Variants in PHETA1 observed in about 807,000 individuals in gnomAD.
The protein encoded by PHETA1 is sesquipedalian-1.
For synonymous variants in PHETA1, 155 were observed against 168.9 expected (o/e 0.92, Z 0.64); for missense variants, 348 against 373.5 (o/e 0.93, Z 0.56).
At chr12:111,365,805 G>A (rs910373730) in intron 2 of PHETA1, among the ~76,000 whole-genome samples, 1 of 152,092 alleles carries the variant, frequency 6.6e-6, no homozygotes, top group Non-Finnish European at 1.5e-5. Context: ...ACGGGTCAAT[G>A]GTGCAGCAAG....
In PHETA1 at chr12:111,362,771, C is replaced by G. The variant is rs1334526218; in HGVS notation, c.657G>C (p.Leu219=). ...GCAGCCGGGCGAAGGGGGCCATGTC[C>G]AGGGGCCCGTGGGGTGCCGAGGCCC... is the stretch of plus-strand genomic sequence containing the variant. ...RRRASAPHGP[L]DMAPFARLHE... The change falls in exon 3 of 3, where the codon CTG becomes CTC. Residue 219 remains leucine, a synonymous_variant. Coordinates refer to ENST00000683047, the MANE Select transcript of PHETA1 (RefSeq NM_144671.6). The G allele has an allele frequency of 6.5e-7, 1 of 1,540,394 alleles. No homozygotes were observed. The highest frequency in any genetic ancestry group is 8.7e-7 in the Non-Finnish European group (1 of 1,145,226).
chr12:111,363,076 G>C lies in PHETA1; in HGVS notation c.352C>G (p.Leu118Val). 3.8e-6 allele frequency: 6 copies of C among 1,584,182 alleles called. No individual in the cohort carries two copies. The highest frequency in any genetic ancestry group is 5.1e-6 in the Non-Finnish European group (6 of 1,168,622). ...LSRASFDYLR[L>V]VVRELEQQLA... ...TGCTGCTCCAGCTCGCGCACCACCA[G>C]CCGCAGGTAGTCGAAGCTGGCACGC... is the stretch of plus-strand genomic sequence containing the variant. The change falls in exon 3 of 3, where the codon CTG becomes GTG. Residue 118 changes from leucine (L) to valine (V), a missense_variant. By Grantham distance (32) the Leu-to-Val change is conservative. Coordinates refer to ENST00000683047, the MANE Select transcript of PHETA1 (RefSeq NM_144671.6). This position sits in a 1 kb window ranked among gnomAD's most constrained non-coding sequence, Gnocchi z 7.4.
intron 2 of PHETA1, among the ~76,000 whole-genome samples, chr12:111,365,901 G>A (rs1868997746): frequency 6.6e-6 from 1 of 152,152 alleles, no homozygotes; most frequent in South Asian, 2.1e-4. Flanking sequence ...AGAAACTGAG[G>A]TCAGTTTGTC....
chr12:111,363,176 C>T lies in PHETA1; in HGVS notation c.252G>A (p.Ala84=), dbSNP rs542992401. ...AEEFAFAVRF[A]GTRARTYVLA... ...GCACGTAGGTGCGCGCCCGGGTCCCCGCAAAGCGCACAGCGAAGGCGAACT... is the reference window on the plus strand; with the variant it reads ...GCACGTAGGTGCGCGCCCGGGTCCCTGCAAAGCGCACAGCGAAGGCGAACT... The change falls in exon 3 of 3, where the codon GCG becomes GCA. Residue 84 remains alanine (A), a synonymous_variant. Coordinates refer to ENST00000683047, the MANE Select transcript of PHETA1 (RefSeq NM_144671.6). This position sits in a 1 kb window ranked among gnomAD's most constrained non-coding sequence, Gnocchi z 7.4. 7.4e-6 allele frequency: 12 copies of T among 1,612,446 alleles called. No homozygotes were observed. The highest frequency in any genetic ancestry group is 6.7e-5 in the African/African-American group (5 of 75,048).
At chr12:111,366,504 G>C (rs1340298981) in intron 1 of PHETA1, among the ~76,000 whole-genome samples, 2 of 152,024 alleles carry the variant, frequency 1.3e-5, no homozygotes, top group African/African-American at 4.8e-5. Context: ...CCCCTCTCCA[G>C]CGTCTTCCAA....
chr12:111,365,395 C>T (rs1565948904), intron 2 of PHETA1, among the ~76,000 whole-genome samples: 1 of 152,172 alleles, frequency 6.6e-6, no homozygotes, highest in Non-Finnish European at 1.5e-5. Flanking sequence ...GCCAGACTAC[C>T]TGTCCTAGGG....
In PHETA1 at chr12:111,362,987, G is replaced by A. The variant is rs760895010; in HGVS notation, c.441C>T (p.Pro147=). Residue 147 remains proline (P), a synonymous_variant, in exon 3 of 3, where the codon CCC becomes CCT. Transcript: ENST00000683047. ...ALPQPQPQSL[P]LPPSLPSALA... ...GGGCAGAGGGCAGGGACGGGGGCAAGGGCAGGGACTGGGGCTGGGGCTGGG... is the reference window on the plus strand; with the variant it reads ...GGGCAGAGGGCAGGGACGGGGGCAAAGGCAGGGACTGGGGCTGGGGCTGGG... 2 of 1,487,542 alleles carry A rather than the reference G, an allele frequency of 1.3e-6. No homozygotes were observed. Among genetic ancestry groups the A allele is most frequent in the Non-Finnish European group, 1.8e-6 (2 of 1,122,792 alleles). The allele number at this position is 1,487,542 out of a possible 1,614,324, so 92.1% of individuals were successfully genotyped here. A position where few individuals can be genotyped will look rare whatever the true frequency, so the allele number is the denominator to read the frequency against.
chr12:111,362,667 C>A lies in PHETA1; in HGVS notation c.*11G>T, dbSNP rs1868698160. ...AGCTTGTGTCCCCCTAAAACAGGCG[C>A]CCTGGTGGCCTCAGGGCTGGACCCG... is the stretch of plus-strand genomic sequence containing the variant. On this transcript the variant is annotated 3_prime_UTR_variant, in exon 3 of 3. Coordinates refer to ENST00000683047, the MANE Select transcript of PHETA1 (RefSeq NM_144671.6). The A allele has an allele frequency of 6.5e-7, 1 of 1,549,212 alleles. No individual in the cohort carries two copies. The highest frequency in any genetic ancestry group is 8.7e-7 in the Non-Finnish European group (1 of 1,146,872).
chr12:111,363,538 A>G lies in PHETA1; in HGVS notation c.-36-75T>C. ...ACCCAGTGCCCCAAGGGGACCTTGC[A>G]GCCACTCTACATCCCCGTTTCACAG... is the stretch of plus-strand genomic sequence containing the variant. On this transcript the variant is annotated intron_variant, in intron 2 of 2. Transcript: ENST00000683047. The surrounding 1 kb of genome is among the most constrained non-coding windows in gnomAD (Gnocchi z 7.4). The G allele has an allele frequency of 2.0e-6, 3 of 1,532,428 alleles. No homozygotes were observed. Among genetic ancestry groups the G allele is most frequent in the Non-Finnish European group, 2.6e-6 (3 of 1,142,854 alleles). The allele number at this position is 1,532,428 out of a possible 1,614,324, so 94.9% of individuals were successfully genotyped here. A position where few individuals can be genotyped will look rare whatever the true frequency, so the allele number is the denominator to read the frequency against.
At position 111,361,214 on chromosome 12, in the gene PHETA1, G is replaced by A. The variant is rs965448889; in HGVS notation, c.*1464C>T. On this transcript the variant is annotated 3_prime_UTR_variant, in exon 3 of 3. Coordinates refer to ENST00000683047, the MANE Select transcript of PHETA1 (RefSeq NM_144671.6). ...TCCCACCAGCAAACAGGAAACTAAA[G>A]CAGTGAAAACATCAAGCTTTGTTGC... 1 of 152,110 alleles carries A rather than the reference G, an allele frequency of 6.6e-6. No homozygotes were observed. The highest frequency in any genetic ancestry group is 1.5e-5 in the Non-Finnish European group (1 of 68,070). 9.4% of individuals were successfully genotyped at this position (152,110 alleles called of 1,614,324 possible).
At position 111,368,729 on chromosome 12, in the gene PHETA1, G is replaced by A. The variant is rs1024979780; in HGVS notation, c.-182+183C>T. 1.1e-4 allele frequency among the ~76,000 whole-genome samples: 16 copies of A among 152,278 alleles called. No individual in the cohort carries two copies. Among genetic ancestry groups the A allele is most frequent in the African/African-American group, 3.9e-4 (16 of 41,476 alleles). ...CGGCAGACGTCCCTATGGGCTGAGA[G>A]AGGGGAGGGTGGTCATTGGCCAAGT... On this transcript the variant is annotated intron_variant, in intron 1 of 2. Transcript: ENST00000683047. This position sits in a 1 kb window ranked among gnomAD's most constrained non-coding sequence, Gnocchi z 5.0.
At chr12:111,365,468 AAG>A (rs1868971822) in intron 2 of PHETA1, 1 of 456,072 alleles carries the variant, frequency 2.2e-6, no homozygotes, top group Admixed American at 2.4e-5. Flanking sequence ...GGCTTCCTAG[AAG>A]ACGGAACATG....
chr12:111,365,438 C>T, intron 2 of PHETA1: 1 of 453,910 alleles, frequency 2.2e-6, no homozygotes, highest in South Asian at 1.6e-5. Context: ...CTCCTGTCAG[C>T]CACATAGGCA....
chr12:111,363,687 C>T lies in PHETA1; in HGVS notation c.-36-224G>A, dbSNP rs1218223451. ...CCCCAGACAGCCTCATAACCTCCTA[C>T]CCTCCTGTATCCCTGAAATAATGTT... On this transcript the variant is annotated intron_variant, in intron 2 of 2. Coordinates refer to ENST00000683047, the MANE Select transcript of PHETA1 (RefSeq NM_144671.6). This position sits in a 1 kb window ranked among gnomAD's most constrained non-coding sequence, Gnocchi z 7.4. 10 of 1,530,682 alleles carry T rather than the reference C, an allele frequency of 6.5e-6. No homozygotes were observed. Among genetic ancestry groups the T allele is most frequent in the Non-Finnish European group, 8.7e-6 (10 of 1,143,986 alleles). The allele number at this position is 1,530,682 out of a possible 1,614,324, so 94.8% of individuals were successfully genotyped here. A position where few individuals can be genotyped will look rare whatever the true frequency, so the allele number is the denominator to read the frequency against.
Position 111,362,516 on chromosome 12 carries a change from C to T in PHETA1, c.*162G>A. ...CTAAAGGCCCACTCAGAATCCAGCA[C>T]CTTCTCAGAGCCTGCATCCCCCAAA... On this transcript the variant is annotated 3_prime_UTR_variant, in exon 3 of 3. Transcript: ENST00000683047. 1.3e-6 allele frequency: 2 copies of T among 1,499,780 alleles called. No individual in the cohort carries two copies. The highest frequency in any genetic ancestry group is 1.8e-6 in the Non-Finnish European group (2 of 1,128,642). The allele number at this position is 1,499,780 out of a possible 1,614,324, so 92.9% of individuals were successfully genotyped here.
Position 111,362,349 on chromosome 12 carries a change from G to C in PHETA1, c.*329C>G. ...CTGAGCTGCAGGCCCGGCAATGCCT[G>C]TTGCCAGCACAGGCCTCTGCCCGGC... On this transcript the variant is annotated 3_prime_UTR_variant, in exon 3 of 3. Transcript: ENST00000683047. 3.7e-6 allele frequency: 2 copies of C among 547,552 alleles called. No homozygotes were observed. 33.9% of individuals were successfully genotyped at this position (547,552 alleles called of 1,614,324 possible). A position where few individuals can be genotyped will look rare whatever the true frequency, so the allele number is the denominator to read the frequency against.
At position 111,362,722 on chromosome 12, in the gene PHETA1, G is replaced by C; in HGVS notation, c.706C>G (p.Arg236Gly). 1 of 1,547,148 alleles carries C rather than the reference G, an allele frequency of 6.5e-7. No homozygotes were observed. The highest frequency in any genetic ancestry group is 1.2e-5 in the South Asian group (1 of 84,044). Residue 236 changes from arginine to glycine, a missense_variant, in exon 3 of 3, where the codon CGG becomes GGG. By Grantham distance (125) the Arg-to-Gly change is moderately radical. Transcript: ENST00000683047. Reference sequence around the variant, plus strand: ...CTGAGCCACTGGCCACGCAGGGCCCGGATCTCCTGGCCATAGCACTCGTGC... The same window carrying C: ...CTGAGCCACTGGCCACGCAGGGCCCCGATCTCCTGGCCATAGCACTCGTGC... ...RLHECYGQEI[R>G]ALRGQWLSSR...
rs1225109328 is a variant in PHETA1 at position 111,367,214 on chromosome 12, CT to C, written c.-181-958del. On this transcript the variant is annotated intron_variant, in intron 1 of 2. Transcript: ENST00000683047. The surrounding 1 kb of genome is among the most constrained non-coding windows in gnomAD (Gnocchi z 4.0). ...GTCTTCACAAGGCCAGCTCCCCATCCTTTGGTCTCAGCCTAGCTGTCACCTC... is the reference window on the plus strand; with the variant it reads ...GTCTTCACAAGGCCAGCTCCCCATCCTTGGTCTCAGCCTAGCTGTCACCTC... 1.3e-5 allele frequency among the ~76,000 whole-genome samples: 2 copies of C among 152,138 alleles called. No individual in the cohort carries two copies. The highest frequency in any genetic ancestry group is 4.8e-5 in the African/African-American group (2 of 41,420).
rs751334678 is a variant in PHETA1, at chr12:111,363,462, G to A, written c.-35C>T. 1.9e-6 allele frequency: 3 copies of A among 1,595,764 alleles called. No homozygotes were observed. Among genetic ancestry groups the A allele is most frequent in the African/African-American group, 1.3e-5 (1 of 74,648 alleles). On this transcript the variant is annotated splice_region_variant and 5_prime_UTR_variant, in exon 3 of 3. Coordinates refer to ENST00000683047, the MANE Select transcript of PHETA1 (RefSeq NM_144671.6). This position sits in a 1 kb window ranked among gnomAD's most constrained non-coding sequence, Gnocchi z 7.4. ...CGCGGGGCCTGGAGGGGAGCCTGGG[G>A]CCTGGACCCCATAGAAGGGCTGTTA...
Sources: gnomAD v4.1 joint callset for allele counts (sites outside exome capture counted in the v4.1 genomes callset) on GRCh38, gnomAD v4.1.1 for gene constraint, Gnocchi (gnomAD v3.1) non-coding constraint, MANE v1.5 for transcripts, NCBI Gene and HGNC (gene_info 2026-07-23, HGNC 2026-07-21) for gene names.